ZNF366: variants seen among roughly 807,000 people sequenced by gnomAD.
ZNF366 encodes dendritic cell-specific transcript protein.
ZNF366 carries 20 observed loss-of-function variants against 47.2 expected under a neutral mutation model. That is an observed-to-expected ratio of 0.42 (90% CI 0.30 to 0.62). The LOEUF is 0.62. ZNF366 is among the 20% of genes least tolerant of loss of function. The pLI is 0.16. For missense variants in ZNF366, 987 were observed against 976.3 expected (o/e 1.01, Z -0.15); for synonymous variants, 421 against 395.1 (o/e 1.07, Z -0.78).
chr5:72,445,811 A>T (rs773275014), intron 4 of ZNF366, among the ~76,000 whole-genome samples: 4 of 152,234 alleles, frequency 2.6e-5, no homozygotes, highest in Non-Finnish European at 4.4e-5. Flanking sequence ...CTAGAGATTC[A>T]GTGAATAATT....
chr5:72,463,297 G>A (rs935182300), intron 1 of ZNF366, among the ~76,000 whole-genome samples: 4 of 151,914 alleles, frequency 2.6e-5, no homozygotes, highest in Admixed American at 2.6e-4. Context: ...TTTTTTGTTT[G>A]GTTACCTAGT....
chr5:72,499,583 A>G (rs1234036777), intron 1 of ZNF366, among the ~76,000 whole-genome samples: 1 of 150,368 alleles, frequency 6.7e-6, no homozygotes, highest in African/African-American at 2.5e-5. Flanking sequence ...AATGTTCAAT[A>G]TATAGATTTT....
chr5:72,454,323 C>T (rs1001880180), intron 3 of ZNF366, among the ~76,000 whole-genome samples: 4 of 152,200 alleles, frequency 2.6e-5, no homozygotes, highest in Non-Finnish European at 4.4e-5. Flanking sequence ...GGTTCCATAG[C>T]ACCTTGCAGT....
chr5:72,490,882 G>A (rs758395850), intron 1 of ZNF366, among the ~76,000 whole-genome samples: 2 of 152,166 alleles, frequency 1.3e-5, no homozygotes, highest in Non-Finnish European at 2.9e-5. Context: ...AGCTCTCAGA[G>A]GAGTGCAAAG....
intron 1 of ZNF366, among the ~76,000 whole-genome samples, chr5:72,468,745 G>A (rs889499313): frequency 6.6e-6 from 1 of 152,190 alleles, no homozygotes; most frequent in Non-Finnish European, 1.5e-5. Context: ...TGGAAAGCAG[G>A]AGTGAATATA....
At position 72,440,709 on chromosome 5, in the gene ZNF366, G is replaced by A. The variant is rs1328327747; in HGVS notation, c.*3047C>T. 1 of 152,154 alleles carries A rather than the reference G, an allele frequency of 6.6e-6. No homozygotes were observed. The highest frequency in any genetic ancestry group is 1.5e-5 in the Non-Finnish European group (1 of 68,018). The allele number at this position is 152,154 out of a possible 1,614,324, so 9.4% of individuals were successfully genotyped here. On this transcript the variant is annotated 3_prime_UTR_variant, in exon 5 of 5. Coordinates refer to ENST00000318442, the MANE Select transcript of ZNF366 (RefSeq NM_152625.3). ...AACTGGAATACTTTTGAGAATTAAG[G>A]TGACACTTGAATAATTATCCTGGGA...
In ZNF366 at chr5:72,492,345, G is replaced by A. The variant is rs1461804348; in HGVS notation, c.-15+14906C>T. ...CCTCCCCAACATGGAGTGCCAAGGA[G>A]CACTAGCTGCTATCATCACTATGAC... is the stretch of plus-strand genomic sequence containing the variant. On this transcript the variant is annotated intron_variant, in intron 1 of 4. Transcript: ENST00000318442. 2.0e-5 allele frequency among the ~76,000 whole-genome samples: 3 copies of A among 152,288 alleles called. No individual in the cohort carries two copies. In the South Asian group the frequency reaches 6.2e-4, roughly 32 times the overall value.
chr5:72,461,711 GC>G (rs1743317566), intron 1 of ZNF366, among the ~76,000 whole-genome samples: 1 of 152,100 alleles, frequency 6.6e-6, no homozygotes, highest in African/African-American at 2.4e-5. Context: ...GATAGCACTG[GC>G]CTCTTGGGGT....
chr5:72,464,504 G>A (rs1580240213), intron 1 of ZNF366, among the ~76,000 whole-genome samples: 1 of 151,660 alleles, frequency 6.6e-6, no homozygotes, highest in South Asian at 2.1e-4. Flanking sequence ...TTCAGCATTT[G>A]AATTTTTGTC....
Position 72,443,538 on chromosome 5 carries a change from C to T in ZNF366, c.*218G>A, listed in dbSNP as rs184983562. ...TTTATTATACTGGCAATGCATAAAACGCCACTGATGAAGACCCTGCACATG... is the reference window on the plus strand; with the variant it reads ...TTTATTATACTGGCAATGCATAAAATGCCACTGATGAAGACCCTGCACATG... On this transcript the variant is annotated 3_prime_UTR_variant, in exon 5 of 5. Transcript: ENST00000318442. The T allele has an allele frequency of 8.8e-4, 455 of 515,602 alleles. 1 individual carries two copies. Among genetic ancestry groups the T allele is most frequent in the African/African-American group, 7.1e-3 (373 of 52,598 alleles). 31.9% of individuals were successfully genotyped at this position (515,602 alleles called of 1,614,324 possible).
chr5:72,483,148 G>A, intron 1 of ZNF366, among the ~76,000 whole-genome samples: 1 of 152,132 alleles, frequency 6.6e-6, no homozygotes. Context: ...GAAGATCCAT[G>A]CTGGTCAGGC....
Position 72,443,776 on chromosome 5 carries a change from CTT to C in ZNF366, c.2213_2214del (p.Gln738ArgfsTer12), listed in dbSNP as rs1356808918. 6.2e-6 allele frequency: 10 copies of C among 1,613,180 alleles called. No homozygotes were observed. In the African/African-American group the frequency reaches 1.3e-4, roughly 22 times the overall value. On this transcript the variant is annotated frameshift_variant, in exon 5 of 5. Transcript: ENST00000318442. LOFTEE classifies it high-confidence loss of function. The stretch of plus-strand genomic sequence containing the variant: ...TCCACTTAGATACCTAAAAGCACTG[CTT>C]GTTTTTCCATTTTCCTCTCCAGTAA... ...KELLERKMEK[Q>X]AVLLGI
chr5:72,493,586 C>T (rs1460240656), intron 1 of ZNF366: 1 of 152,160 alleles, frequency 6.6e-6, no homozygotes, highest in Non-Finnish European at 1.5e-5. Flanking sequence ...TCAAAACACA[C>T]CTTCTGCAAC....
At chr5:72,489,750 G>T (rs1743968076) in intron 1 of ZNF366, among the ~76,000 whole-genome samples, 1 of 152,198 alleles carries the variant, frequency 6.6e-6, no homozygotes, top group Non-Finnish European at 1.5e-5. Flanking sequence ...GAGCAAAGTT[G>T]GGAATTCCCA....
chr5:72,443,647 G>C lies in ZNF366; in HGVS notation c.*109C>G. The stretch of plus-strand genomic sequence containing the variant: ...CCTGCTCATTTAGTCTAAGCCATTT[G>C]TAGAGATTGGTACTATTCGCCAGTC... On this transcript the variant is annotated 3_prime_UTR_variant, in exon 5 of 5. Coordinates refer to ENST00000318442, the MANE Select transcript of ZNF366 (RefSeq NM_152625.3). The C allele has an allele frequency of 1.7e-6, 2 of 1,201,902 alleles. No individual in the cohort carries two copies. The highest frequency in any genetic ancestry group is 2.3e-6 in the Non-Finnish European group (2 of 871,928). The allele number at this position is 1,201,902 out of a possible 1,614,324, so 74.5% of individuals were successfully genotyped here. A position where few individuals can be genotyped will look rare whatever the true frequency, so the allele number is the denominator to read the frequency against.
chr5:72,497,609 T>C (rs145724744), intron 1 of ZNF366, among the ~76,000 whole-genome samples: 148 of 152,300 alleles, frequency 9.7e-4, no homozygotes, highest in Middle Eastern at 3.4e-3. Context: ...ATACATTGCA[T>C]TGTAGGTATG....
chr5:72,499,644 A>G (rs1744174115), intron 1 of ZNF366, among the ~76,000 whole-genome samples: 1 of 152,206 alleles, frequency 6.6e-6, no homozygotes, highest in Non-Finnish European at 1.5e-5. Context: ...GAAAAAAACA[A>G]CTGAAAAAGT....
rs373809589 is a variant in ZNF366 at position 72,460,657 on chromosome 5, C to A, written c.840G>T (p.Pro280=). 11 of 1,614,106 alleles carry A rather than the reference C, an allele frequency of 6.8e-6. No homozygotes were observed. The South Asian group carries it at 9.9e-5, about 14-fold the overall frequency. ...GCTTCCCGCAGTGCGTGCACGCGTG[C>A]GGCTTGATCCCACTGTGGCCCAGGA... ...THILGHSGIK[P]HACTHCGKLF... Residue 280 remains proline (P), a synonymous_variant, in exon 2 of 5, where the codon CCG becomes CCT. Transcript: ENST00000318442.
intron 1 of ZNF366, among the ~76,000 whole-genome samples, chr5:72,493,918 C>CTTTTTTTTTTTTTT (rs70999281): frequency 4.8e-5 from 3 of 62,514 alleles, no homozygotes; most frequent in Non-Finnish European, 8.2e-5. Flanking sequence ...CCATGCCCAG[C>CTTTTTTTTTTTTTT]TTTTTTTTTT....
Sources: allele counts gnomAD v4.1 joint callset (sites outside exome capture counted in the v4.1 genomes callset), GRCh38; gene constraint gnomAD v4.1.1; transcripts MANE v1.5; gene names NCBI Gene and HGNC (gene_info 2026-07-23, HGNC 2026-07-21).